Variants in GHR observed in about 807,000 individuals in gnomAD.
GHR encodes the protein growth hormone receptor, also known as GH receptor.
In GHR, 35 loss-of-function variants were observed where a neutral mutation model predicts 67.1. That is an observed-to-expected ratio of 0.52 (90% CI 0.40 to 0.69). The LOEUF (loss-of-function observed/expected upper bound fraction) is 0.69. GHR is among the 30% of genes least tolerant of loss of function. The pLI, the probability that GHR is intolerant of heterozygous loss-of-function variation, is 0.00. For missense variants in GHR, 792 were observed against 764.6 expected, an observed-to-expected ratio of 1.04 and a Z score of -0.42; for synonymous variants, 272 against 269.1, an observed-to-expected ratio of 1.01 and a Z score of -0.10.
chr5:42,661,691 A>C (rs1015362720), intron 3 of GHR, among the ~76,000 whole-genome samples: 1 of 152,258 alleles, frequency 6.6e-6, no homozygotes, highest in African/African-American at 2.4e-5. Flanking sequence ...AAGAAACTGC[A>C]TCAACTAACG....
At chr5:42,710,797 T>C (rs1353647257) in intron 6 of GHR, among the ~76,000 whole-genome samples, 1 of 152,148 alleles carries the variant, frequency 6.6e-6, no homozygotes, top group Non-Finnish European at 1.5e-5. Flanking sequence ...TGGCTACAAT[T>C]TATTTTGGTG....
rs79062559 is a variant in GHR, at chr5:42,561,353, A to G, written c.-11-4511A>G. On this transcript the variant is annotated intron_variant, in intron 1 of 9. Coordinates refer to ENST00000230882, the MANE Select transcript of GHR (RefSeq NM_000163.5). ...TTTGATTGCTTTTGCATTAATCTCC[A>G]TAGTGCCTTGCTCAGTGTTAGCAGG... Among the ~76,000 whole-genome samples the G allele has an allele frequency of 7.2e-5, 11 of 152,300 alleles. No individual in the cohort carries two copies. The East Asian group carries it at 9.6e-4, about 13-fold the overall frequency.
chr5:42,675,393 G>A (rs1398347313), intron 3 of GHR, among the ~76,000 whole-genome samples: 3 of 152,092 alleles, frequency 2.0e-5, no homozygotes, highest in African/African-American at 2.4e-5. Context: ...GTCTCATTAC[G>A]AGTCAGTATG....
intron 1 of GHR, among the ~76,000 whole-genome samples, chr5:42,430,320 T>A (rs890042331): frequency 2.6e-5 from 4 of 152,146 alleles, no homozygotes; most frequent in African/African-American, 9.7e-5. Context: ...GCCACCAAGC[T>A]AAGAATCTGC....
intron 3 of GHR, among the ~76,000 whole-genome samples, chr5:42,654,680 G>A (rs1755168075): frequency 6.6e-6 from 1 of 152,090 alleles, no homozygotes; most frequent in African/African-American, 2.4e-5. Flanking sequence ...AGTTTCCTAA[G>A]CTTGTCCCAG....
chr5:42,482,874 GCTGCACCCACTGTC>G (rs1185296124), intron 1 of GHR, among the ~76,000 whole-genome samples: 3 of 152,198 alleles, frequency 2.0e-5, no homozygotes, highest in East Asian at 1.9e-4. Flanking sequence ...CACTCGGTGT[GCTGCACCCACTGTC>G]CTGCACCCAC....
chr5:42,524,343 T>C (rs1037838310), intron 1 of GHR, among the ~76,000 whole-genome samples: 10 of 152,172 alleles, frequency 6.6e-5, no homozygotes, highest in African/African-American at 4.8e-5. Context: ...ACTCTTGTTA[T>C]GTTTTAGCAA....
intron 1 of GHR, among the ~76,000 whole-genome samples, chr5:42,507,342 G>C (rs1267716688): frequency 6.6e-6 from 1 of 152,200 alleles, no homozygotes; most frequent in Non-Finnish European, 1.5e-5. Flanking sequence ...CCTTTCTGAA[G>C]TTTTTAAAAT....
intron 3 of GHR, among the ~76,000 whole-genome samples, chr5:42,688,423 G>A (rs981762924): frequency 3.9e-5 from 6 of 152,190 alleles, no homozygotes; most frequent in Non-Finnish European, 2.9e-5. Context: ...CTACACAACA[G>A]TGGTGGTGCA....
intron 1 of GHR, among the ~76,000 whole-genome samples, chr5:42,439,264 G>C (rs980534438): frequency 4.6e-5 from 7 of 152,158 alleles, no homozygotes; most frequent in Non-Finnish European, 4.4e-5. Flanking sequence ...ATCCTCATGG[G>C]AAAACTCAGG....
intron 1 of GHR, among the ~76,000 whole-genome samples, chr5:42,535,697 G>A (rs1194223581): frequency 6.6e-6 from 1 of 152,066 alleles, no homozygotes; most frequent in Non-Finnish European, 1.5e-5. Flanking sequence ...TGTGAAGAAT[G>A]ATGGTGGTAT....
At chr5:42,494,572 G>A (rs556012172) in intron 1 of GHR, among the ~76,000 whole-genome samples, 26 of 152,122 alleles carry the variant, frequency 1.7e-4, no homozygotes, top group African/African-American at 5.8e-4. Flanking sequence ...CTAAGCATTC[G>A]CTCAGCACTC....
intron 5 of GHR, among the ~76,000 whole-genome samples, chr5:42,696,637 C>A (rs1034934291): frequency 6.6e-6 from 1 of 152,106 alleles, no homozygotes; most frequent in Non-Finnish European, 1.5e-5. Context: ...GGAAGCCCTC[C>A]TAGTCAGCTG....
At chr5:42,654,370 G>A (rs1056892590) in intron 3 of GHR, among the ~76,000 whole-genome samples, 3 of 152,082 alleles carry the variant, frequency 2.0e-5, no homozygotes, top group East Asian at 1.9e-4. Flanking sequence ...GTAGGCAAAT[G>A]CATGTCCCGA....
intron 2 of GHR, among the ~76,000 whole-genome samples, chr5:42,576,584 A>G (rs1012757476): frequency 6.6e-6 from 1 of 152,222 alleles, no homozygotes; most frequent in African/African-American, 2.4e-5. Context: ...TTATAACAAT[A>G]TATGCCTAAA....
At chr5:42,642,763 G>A (rs1754542853) in intron 3 of GHR, among the ~76,000 whole-genome samples, 1 of 152,166 alleles carries the variant, frequency 6.6e-6, no homozygotes, top group South Asian at 2.1e-4. Context: ...CTGGAGGCCA[G>A]AAGTCCAAAG....
intron 1 of GHR, among the ~76,000 whole-genome samples, chr5:42,504,983 C>T (rs1554013899): frequency 6.6e-6 from 1 of 152,172 alleles, no homozygotes; most frequent in Non-Finnish European, 1.5e-5. Flanking sequence ...TTTTTGAATG[C>T]TTAACCTTAA....
chr5:42,426,861 CA>C (rs1409760415), intron 1 of GHR, among the ~76,000 whole-genome samples: 1 of 152,094 alleles, frequency 6.6e-6, no homozygotes, highest in African/African-American at 2.4e-5. Flanking sequence ...TTATCTGGTG[CA>C]TGAACCTCTA....
At chr5:42,561,989 T>C (rs965464105) in intron 1 of GHR, among the ~76,000 whole-genome samples, 3 of 152,104 alleles carry the variant, frequency 2.0e-5, no homozygotes, top group African/African-American at 7.2e-5. Context: ...TAAGTTTAGG[T>C]ACCTGGGCAA....
Sources: gnomAD v4.1 joint callset for allele counts (sites outside exome capture counted in the v4.1 genomes callset) on GRCh38, gnomAD v4.1.1 for gene constraint, MANE v1.5 for transcripts, NCBI Gene and HGNC (gene_info 2026-07-23, HGNC 2026-07-21) for gene names.